Variants in TBC1D2B observed in about 807,000 individuals in gnomAD.
TBC1D2B encodes TBC1 domain family, member 2B.
Under a neutral mutation model 100.8 loss-of-function variants are expected in TBC1D2B, and 64 were observed. The observed-to-expected ratio is 0.64, with a 90% CI of 0.52 to 0.78. TBC1D2B has a LOEUF of 0.78. TBC1D2B is among the 30% of genes least tolerant of loss of function. The probability of loss-of-function intolerance (pLI) is 0.00; values close to 1 mark genes in which losing one functional copy is unlikely to be tolerated. For missense variants in TBC1D2B, 1,052 were observed against 1,218.4 expected (o/e 0.86, Z 2.03); for synonymous variants, 480 against 479.7 (o/e 1.00, Z -0.01).
At chr15:78,059,736 C>T (rs990087382) in intron 1 of TBC1D2B, among the ~76,000 whole-genome samples, 1 of 152,212 alleles carries the variant, frequency 6.6e-6, no homozygotes, top group Non-Finnish European at 1.5e-5. Context: ...CCCTGGCCAC[C>T]TGTTCCTCCT....
At chr15:78,008,943 A>G in intron 10 of TBC1D2B, 54 bp downstream of exon 10, 2 of 1,296,598 alleles carry the variant, frequency 1.5e-6, no homozygotes, top group Non-Finnish European at 1.1e-6. Flanking sequence ...TTCAGGTCAC[A>G]TTTCAGCTGC....
At chr15:78,031,554 C>CAGAAAAAA (rs2072811788) in intron 3 of TBC1D2B, among the ~76,000 whole-genome samples, 1 of 54,910 alleles carries the variant, frequency 1.8e-5, no homozygotes, top group Non-Finnish European at 3.1e-5. Flanking sequence ...ACTCTGTCTC[C>CAGAAAAAA]AAAAAAAAAA....
chr15:78,034,432 T>C (rs559035696), intron 3 of TBC1D2B: 1 of 936,004 alleles, frequency 1.1e-6, no homozygotes, highest in African/African-American at 1.8e-5. Flanking sequence ...AGGTGGCATG[T>C]GACTACCACC....
At chr15:78,064,786 G>A (rs971866320) in intron 1 of TBC1D2B, among the ~76,000 whole-genome samples, 1 of 151,984 alleles carries the variant, frequency 6.6e-6, no homozygotes, top group Non-Finnish European at 1.5e-5. Context: ...TCCCCAGGAA[G>A]GTTTTGAAAT....
chr15:78,072,064 A>G (rs2073749815), intron 1 of TBC1D2B, among the ~76,000 whole-genome samples: 1 of 152,196 alleles, frequency 6.6e-6, no homozygotes, highest in Non-Finnish European at 1.5e-5. Flanking sequence ...TCATGAGTTA[A>G]TTACCTCCCA....
At chr15:78,072,126 G>A (rs1426154525) in intron 1 of TBC1D2B, among the ~76,000 whole-genome samples, 1 of 152,264 alleles carries the variant, frequency 6.6e-6, no homozygotes, top group East Asian at 1.9e-4. Context: ...TTCAACATAC[G>A]AATTTTTCAG....
chr15:78,006,905 G>A (rs940123112), intron 10 of TBC1D2B, among the ~76,000 whole-genome samples: 1 of 152,246 alleles, frequency 6.6e-6, no homozygotes, highest in Non-Finnish European at 1.5e-5. Flanking sequence ...AGACAGGGCC[G>A]TGGCCCTCAG....
rs899300336 is a variant in TBC1D2B at position 78,030,074 on chromosome 15, G to A, written c.780C>T (p.Thr260=). 6 of 1,613,840 alleles carry A rather than the reference G, an allele frequency of 3.7e-6. No homozygotes were observed. In the Admixed American group the frequency reaches 8.3e-5, roughly 22 times the overall value. The change falls in exon 4 of 13, where the codon ACC becomes ACT. Residue 260 remains threonine, a synonymous_variant. Coordinates refer to ENST00000300584, the MANE Select transcript of TBC1D2B (RefSeq NM_144572.2). ...TNEEWELLDP[T]PKDLEESIVQ... ...CTATGGACTCCTCTAGGTCCTTAGG[G>A]GTTGGGTCTAAAAGTTCCCACTCTT...
intron 12 of TBC1D2B, among the ~76,000 whole-genome samples, chr15:78,000,505 C>G (rs2071884106): frequency 6.6e-6 from 1 of 152,254 alleles, no homozygotes; most frequent in Non-Finnish European, 1.5e-5. Flanking sequence ...CAAACTTTCC[C>G]CAGCAAATAT....
At chr15:78,074,679 C>T (rs1173531490) in intron 1 of TBC1D2B, among the ~76,000 whole-genome samples, 1 of 152,182 alleles carries the variant, frequency 6.6e-6, no homozygotes. Flanking sequence ...CCCCATAAAG[C>T]TCTTCCCCTC....
At chr15:78,043,144 AT>A (rs2073123728) in intron 3 of TBC1D2B, among the ~76,000 whole-genome samples, 1 of 152,186 alleles carries the variant, frequency 6.6e-6, no homozygotes, top group African/African-American at 2.4e-5. Flanking sequence ...CACACAGAAA[AT>A]AACTTTATCA....
At position 78,001,746 on chromosome 15, in the gene TBC1D2B, G is replaced by T; in HGVS notation, c.2575-6C>A. On this transcript the variant is annotated splice_region_variant and splice_polypyrimidine_tract_variant and intron_variant, in intron 11 of 12. Transcript: ENST00000300584. ...AGAGCAAAACGGAAAATAACCTGTG[G>T]AATAAACAGGGAAATCTGTTAGTGG... is the stretch of plus-strand genomic sequence containing the variant. 1.2e-6 allele frequency: 2 copies of T among 1,601,610 alleles called. No homozygotes were observed. The highest frequency in any genetic ancestry group is 1.1e-5 in the South Asian group (1 of 88,628).
chr15:78,075,108 T>A (rs572720989), intron 1 of TBC1D2B, among the ~76,000 whole-genome samples: 2 of 151,572 alleles, frequency 1.3e-5, no homozygotes, highest in South Asian at 4.1e-4. Flanking sequence ...AGCAGCAGAC[T>A]CCTGCTTCAA....
rs1445415119 is a variant in TBC1D2B, at chr15:77,996,695, A to G, written c.*1465T>C. The G allele has an allele frequency of 1.3e-5, 2 of 152,260 alleles. No individual in the cohort carries two copies. Among genetic ancestry groups the G allele is most frequent in the Admixed American group, 6.5e-5 (1 of 15,288 alleles). 9.4% of individuals were successfully genotyped at this position (152,260 alleles called of 1,614,324 possible). ...CACCAACTTTGCCGTGGCATTGCCA[A>G]AAAGTTGACAGCAAAAAATAGGAAA... On this transcript the variant is annotated 3_prime_UTR_variant, in exon 13 of 13. Transcript: ENST00000300584.
intron 4 of TBC1D2B, among the ~76,000 whole-genome samples, chr15:78,025,930 A>G (rs10444810): frequency 1 from 151,610 of 151,628 alleles, 75,796 homozygotes; most frequent in Middle Eastern, 1. Flanking sequence ...TCACCACCTT[A>G]AGAACTACAG....
intron 1 of TBC1D2B, among the ~76,000 whole-genome samples, chr15:78,071,123 C>T (rs966027525): frequency 6.6e-6 from 1 of 151,942 alleles, no homozygotes; most frequent in Non-Finnish European, 1.5e-5. Flanking sequence ...CATCCAGCCA[C>T]ACCTGGCTAG....
At chr15:78,019,510 G>T (rs1265283116) in intron 6 of TBC1D2B, among the ~76,000 whole-genome samples, 1 of 151,888 alleles carries the variant, frequency 6.6e-6, no homozygotes, top group Non-Finnish European at 1.5e-5. Flanking sequence ...GTCATGACAA[G>T]TACTTGAAAT....
intron 12 of TBC1D2B, 101 bp downstream of exon 12, chr15:78,001,518 G>A (rs893856896): frequency 2.2e-6 from 3 of 1,386,522 alleles, no homozygotes; most frequent in African/African-American, 1.5e-5. Flanking sequence ...GTACACCGGG[G>A]ATGGCTCTGA....
intron 9 of TBC1D2B, among the ~76,000 whole-genome samples, chr15:78,010,525 G>A (rs971060056): frequency 1.1e-4 from 17 of 152,158 alleles, no homozygotes; most frequent in African/African-American, 4.1e-4. Flanking sequence ...GTCCAGGAAG[G>A]GGATGTCTCA....
Sources: allele counts gnomAD v4.1 joint callset (sites outside exome capture counted in the v4.1 genomes callset), GRCh38; gene constraint gnomAD v4.1.1; transcripts MANE v1.5; gene names NCBI Gene and HGNC (gene_info 2026-07-23, HGNC 2026-07-21).